Variants in NEBL observed in about 807,000 individuals in gnomAD.
NEBL encodes nebulette, also known as LIM and SH3 protein 2.
A neutral mutation model predicts 140.2 loss-of-function variants in NEBL; 122 were observed. The observed-to-expected ratio is 0.87, with a 90% CI of 0.75 to 1.01. The LOEUF is 1.01. Ranked by LOEUF, NEBL falls within the 50% of genes least tolerant of loss-of-function variation. NEBL has a pLI of 0.00. For synonymous variants in NEBL, 436 were observed against 398.9 expected (o/e 1.09, Z -1.11); for missense variants, 1,365 against 1,231.3 (o/e 1.11, Z -1.62).
At chr10:21,164,184 C>T (rs1275859083) in intron 2 of NEBL, among the ~76,000 whole-genome samples, 1 of 152,200 alleles carries the variant, frequency 6.6e-6, no homozygotes, top group African/African-American at 2.4e-5. Flanking sequence ...ATTCTAGATT[C>T]CACGGTAAAG....
intron 12 of NEBL, 31 bp downstream of exon 12, chr10:20,845,227 T>A: frequency 7.5e-7 from 1 of 1,340,484 alleles, no homozygotes. Flanking sequence ...CTTTTCTTCA[T>A]AATATTTAAT....
Position 20,880,836 on chromosome 10 carries a change from AG to A in NEBL, c.437del (p.Pro146LeufsTer47), listed in dbSNP as rs1845952817. ...FSDYAHMKEP[P>X]EVKHAMEVNK... The stretch of plus-strand genomic sequence containing the variant: ...TGACCTCCATGGCATGTTTAACCTC[AG>A]GGGGCTCCTTCATGTGGGCATAATC... On this transcript the variant is annotated frameshift_variant, in exon 5 of 28. Transcript: ENST00000377122. LOFTEE classifies it high-confidence loss of function. 2 of 1,614,104 alleles carry A rather than the reference AG, an allele frequency of 1.2e-6. No individual in the cohort carries two copies. The highest frequency in any genetic ancestry group is 1.7e-6 in the Non-Finnish European group (2 of 1,179,994).
intron 2 of NEBL, among the ~76,000 whole-genome samples, chr10:21,064,739 A>G (rs1329276383): frequency 6.6e-6 from 1 of 152,198 alleles, no homozygotes; most frequent in African/African-American, 2.4e-5. Flanking sequence ...ATAATTAGAA[A>G]TGCAATGTAA....
Position 20,858,314 on chromosome 10 carries a change from G to C in NEBL, c.829C>G (p.His277Asp). The change falls in exon 9 of 28, where the codon CAT becomes GAT. Residue 277 changes from histidine to aspartate, a missense_variant. Physicochemically the swap from His to Asp is moderately conservative, Grantham distance 81. This residue lies in a region of NEBL where 1,323 missense variants were observed against 1,154.8 expected (regional missense o/e 1.15). Transcript: ENST00000377122. The part of the protein sequence containing the change: ...VKYKKDIQNM[H>D]DPVSDLPNLL... ...TTTGGGAGATCTGAAACTGGATCAT[G>C]CATATTTTGAATGTCTTTCTTGTAC... The C allele has an allele frequency of 1.2e-6, 2 of 1,609,006 alleles. No homozygotes were observed. Among genetic ancestry groups the C allele is most frequent in the Non-Finnish European group, 1.7e-6 (2 of 1,175,358 alleles).
chr10:20,963,003 A>AACAC (rs35031266), intron 3 of NEBL, among the ~76,000 whole-genome samples: 1,852 of 143,288 alleles, frequency 0.013, 30 homozygotes, highest in East Asian at 0.046. Flanking sequence ...TTGAAAGAAA[A>AACAC]ACACACACAC....
At chr10:21,067,259 C>T (rs1275037054) in intron 2 of NEBL, among the ~76,000 whole-genome samples, 1 of 152,096 alleles carries the variant, frequency 6.6e-6, no homozygotes, top group Non-Finnish European at 1.5e-5. Flanking sequence ...GTGTGAGCCA[C>T]CGCGCCCAGC....
At chr10:20,857,566 A>C (rs936329761) in intron 9 of NEBL, among the ~76,000 whole-genome samples, 3 of 152,216 alleles carry the variant, frequency 2.0e-5, no homozygotes, top group African/African-American at 4.8e-5. Context: ...AAATGGAGCC[A>C]AATGTGTCTT....
chr10:21,231,684 C>T (rs918948159), intron 3 of NEBL, among the ~76,000 whole-genome samples: 7 of 152,060 alleles, frequency 4.6e-5, no homozygotes, highest in East Asian at 3.8e-4. Context: ...GGGGAGAGAA[C>T]GTTCCTGAAA....
intron 2 of NEBL, among the ~76,000 whole-genome samples, chr10:21,160,189 G>GA (rs527390723): frequency 2.1e-3 from 302 of 141,694 alleles, no homozygotes; most frequent in African/African-American, 3.7e-3. Context: ...ACTGTATAAA[G>GA]AAAAAAAAAA....
At chr10:21,032,314 T>C (rs1308195990) in intron 2 of NEBL, among the ~76,000 whole-genome samples, 1 of 152,182 alleles carries the variant, frequency 6.6e-6, no homozygotes, top group Non-Finnish European at 1.5e-5. Context: ...AAGTAAAAAT[T>C]TGGTAGTGTA....
At chr10:21,028,941 A>C (rs1833656960) in intron 2 of NEBL, 1 of 518,276 alleles carries the variant, frequency 1.9e-6, no homozygotes, top group Non-Finnish European at 3.4e-6. Context: ...AAAAATAGCT[A>C]TACTAATATG....
At chr10:21,170,771 T>A (rs1841036394) in intron 2 of NEBL, 1 of 152,532 alleles carries the variant, frequency 6.6e-6, no homozygotes, top group African/African-American at 2.4e-5. Flanking sequence ...CTTCACCAGA[T>A]AAAATTTTTT....
At chr10:21,045,905 G>T (rs1834490318) in intron 2 of NEBL, among the ~76,000 whole-genome samples, 2 of 152,134 alleles carry the variant, frequency 1.3e-5, no homozygotes, top group South Asian at 4.1e-4. Flanking sequence ...ATGTCAAAAA[G>T]ATACCTGCAA....
chr10:21,031,905 G>A (rs1833814939), intron 2 of NEBL, among the ~76,000 whole-genome samples: 1 of 152,274 alleles, frequency 6.6e-6, no homozygotes, highest in South Asian at 2.1e-4. Flanking sequence ...GATTCTGTCT[G>A]TTAGTTTCAG....
chr10:21,208,729 C>T (rs1351425224), intron 3 of NEBL, among the ~76,000 whole-genome samples: 1 of 152,156 alleles, frequency 6.6e-6, no homozygotes, highest in Non-Finnish European at 1.5e-5. Context: ...AAGGAGCAGG[C>T]CTGGAAGTCA....
At chr10:21,227,711 T>TTCTTCTTTCTTCTTCTTC (rs1456600511) in intron 3 of NEBL, among the ~76,000 whole-genome samples, 2 of 46,462 alleles carry the variant, frequency 4.3e-5, no homozygotes, top group Non-Finnish European at 1.0e-4. Context: ...CTTCTTCTTC[T>TTCTTCTTTCTTCTTCTTC]TTCTTCTTCT....
chr10:20,904,264 G>A (rs768259257), intron 4 of NEBL, among the ~76,000 whole-genome samples: 1 of 151,974 alleles, frequency 6.6e-6, no homozygotes, highest in Non-Finnish European at 1.5e-5. Flanking sequence ...GACCCTTTTT[G>A]CACCTATTTG....
chr10:20,815,959 A>G, intron 21 of NEBL: 33 of 462,362 alleles, frequency 7.1e-5, no homozygotes, highest in South Asian at 1.1e-4. Context: ...GTAGAGATTG[A>G]GTTTTGCCAT....
chr10:21,029,434 G>T (rs983457880), intron 2 of NEBL: 393 of 1,611,398 alleles, frequency 2.4e-4, no homozygotes, highest in Non-Finnish European at 2.9e-4. Context: ...TGAATTTGAG[G>T]ACCTGGATTC....
Sources: gnomAD v4.1 joint callset for allele counts (sites outside exome capture counted in the v4.1 genomes callset) on GRCh38, gnomAD v4.1.1 for gene constraint, gnomAD v4.1.1 regional missense constraint, MANE v1.5 for transcripts, NCBI Gene and HGNC (gene_info 2026-07-23, HGNC 2026-07-21) for gene names.